NAA16: variants seen among roughly 807,000 people sequenced by gnomAD.
NAA16 encodes NARG1-like protein.
Under a neutral mutation model 110.3 loss-of-function variants are expected in NAA16, and 97 were observed. The observed-to-expected ratio is 0.88, with a 90% confidence interval of 0.75 to 1.04. The LOEUF (loss-of-function observed/expected upper bound fraction) is 1.04. NAA16 is among the 50% of genes least tolerant of loss of function. The pLI is 0.00. For synonymous variants in NAA16, 372 were observed against 330.6 expected (o/e 1.13, Z -1.36); for missense variants, 1,017 against 1,005.1 (o/e 1.01, Z -0.16).
chr13:41,342,078 C>T (rs371842146), intron 9 of NAA16, among the ~76,000 whole-genome samples: 13 of 151,224 alleles, frequency 8.6e-5, no homozygotes, highest in African/African-American at 1.9e-4. Flanking sequence ...GTGATCCGCC[C>T]GCCTCGGCCT....
chr13:41,367,746 T>C (rs1566299810), intron 14 of NAA16, 94 bp downstream of exon 14: 3 of 800,566 alleles, frequency 3.7e-6, no homozygotes, highest in Non-Finnish European at 3.7e-6. Context: ...TAATATATTG[T>C]CTGTTGGAGT....
chr13:41,329,131 G>C (rs1352788829), intron 7 of NAA16, among the ~76,000 whole-genome samples: 2 of 151,974 alleles, frequency 1.3e-5, no homozygotes. Context: ...TACCAATTTA[G>C]AGTAGGGACA....
At chr13:41,330,596 C>T (rs1220719388) in intron 7 of NAA16, among the ~76,000 whole-genome samples, 2 of 151,922 alleles carry the variant, frequency 1.3e-5, no homozygotes, top group African/African-American at 4.8e-5. Context: ...ATAAACTATA[C>T]CCAGATCCTA....
chr13:41,352,144 C>A (rs542541517), intron 9 of NAA16, among the ~76,000 whole-genome samples: 4 of 152,198 alleles, frequency 2.6e-5, no homozygotes, highest in African/African-American at 9.6e-5. Flanking sequence ...GAGTTTGAGA[C>A]CAGCCCGGGC....
intron 10 of NAA16, 126 bp from the exon 11 acceptor site, chr13:41,358,178 A>G: frequency 2.6e-6 from 2 of 781,764 alleles, no homozygotes; most frequent in Non-Finnish European, 4.0e-6. Flanking sequence ...TGAAATTAGT[A>G]GTTTTTGCTG....
At chr13:41,323,390 C>G (rs961273751) in intron 5 of NAA16, among the ~76,000 whole-genome samples, 200 bp downstream of exon 5, 1 of 150,696 alleles carries the variant, frequency 6.6e-6, no homozygotes, top group African/African-American at 2.4e-5. Flanking sequence ...TCGCTCTGTC[C>G]CCCAGGCTGG....
At chr13:41,331,171 T>C (rs938722543) in intron 7 of NAA16, 103 bp from the exon 8 acceptor site, 2 of 661,796 alleles carry the variant, frequency 3.0e-6, no homozygotes, top group African/African-American at 3.7e-5. Flanking sequence ...TTTAATATTG[T>C]TAATGCAGTT....
intron 9 of NAA16, among the ~76,000 whole-genome samples, chr13:41,345,160 A>G (rs1429047804): frequency 6.6e-6 from 1 of 152,186 alleles, no homozygotes; most frequent in African/African-American, 2.4e-5. Context: ...TTTGGTGTAC[A>G]AGTTTTTGTG....
intron 9 of NAA16, among the ~76,000 whole-genome samples, chr13:41,337,819 T>C (rs2042422091): frequency 6.6e-6 from 1 of 152,198 alleles, no homozygotes; most frequent in African/African-American, 2.4e-5. Context: ...GCAGTAATTG[T>C]GAATAATACA....
intron 9 of NAA16, among the ~76,000 whole-genome samples, chr13:41,353,113 T>TCAAAACAAAA (rs57333303): frequency 0.012 from 1,757 of 150,524 alleles, 11 homozygotes; most frequent in East Asian, 0.038. Context: ...AGACTCCATC[T>TCAAAACAAAA]CAAAACAAAA....
intron 9 of NAA16, among the ~76,000 whole-genome samples, chr13:41,341,314 T>C (rs559286723): frequency 2.7e-4 from 41 of 152,336 alleles, no homozygotes; most frequent in African/African-American, 9.9e-4. Context: ...ACTTAATTTT[T>C]TGTGGATATC....
chr13:41,357,886 T>G (rs576464742), intron 10 of NAA16, among the ~76,000 whole-genome samples: 1 of 152,212 alleles, frequency 6.6e-6, no homozygotes, highest in Non-Finnish European at 1.5e-5. Flanking sequence ...TATTGAGGCC[T>G]GGAAAATGGT....
At chr13:41,319,537 G>C (rs1272038023) in intron 3 of NAA16, among the ~76,000 whole-genome samples, 1 of 151,778 alleles carries the variant, frequency 6.6e-6, no homozygotes. Flanking sequence ...TTTTTGGGGG[G>C]AGGGAGTCTC....
At chr13:41,319,397 A>ATAT (rs2041889079) in intron 3 of NAA16, among the ~76,000 whole-genome samples, 1 of 152,246 alleles carries the variant, frequency 6.6e-6, no homozygotes, top group African/African-American at 2.4e-5. Flanking sequence ...TACTTAATAT[A>ATAT]TAAGTATGAT....
At position 41,374,803 on chromosome 13, in the gene NAA16, T is replaced by G. The variant is rs2043396462; in HGVS notation, c.2361T>G (p.Thr787=). Residue 787 remains threonine, a synonymous_variant, in exon 19 of 20, where the codon ACT becomes ACG. Coordinates refer to ENST00000379406, the MANE Select transcript of NAA16 (RefSeq NM_024561.5). ...AGGAGAAAGCAATTGCTATAGCCAC[T>G]AGACTAGATGAAACTATAAAAGATA... is the stretch of plus-strand genomic sequence containing the variant. ...SRQEKAIAIA[T]RLDETIKDKD... is the part of the protein sequence containing the mutation. 3 of 1,612,204 alleles carry G rather than the reference T, an allele frequency of 1.9e-6. No homozygotes were observed. Among genetic ancestry groups the G allele is most frequent in the Middle Eastern group, 1.7e-4 (1 of 6,042 alleles).
At chr13:41,327,285 A>G (rs1397593035) in intron 6 of NAA16, among the ~76,000 whole-genome samples, 2 of 152,082 alleles carry the variant, frequency 1.3e-5, no homozygotes, top group Non-Finnish European at 2.9e-5. Context: ...TTGTTCTGTT[A>G]CTTATTGATG....
intron 13 of NAA16, chr13:41,362,714 C>T (rs1298497710): frequency 7.8e-7 from 1 of 1,289,550 alleles, no homozygotes; most frequent in Non-Finnish European, 1.0e-6. Flanking sequence ...TTTTCCTGTT[C>T]TTTGTCATCT....
chr13:41,371,029 A>G (rs1408815194), intron 15 of NAA16, among the ~76,000 whole-genome samples: 1 of 152,180 alleles, frequency 6.6e-6, no homozygotes, highest in South Asian at 2.1e-4. Context: ...AATCAAGGAA[A>G]TCATAAAAGA....
At chr13:41,374,698 A>G (rs1452786316) in intron 18 of NAA16, 44 bp from the exon 19 acceptor site, 1 of 1,248,586 alleles carries the variant, frequency 8.0e-7, no homozygotes, top group East Asian at 2.3e-5. Flanking sequence ...CATAAAATGT[A>G]AAGTATAGGT....
Sources: allele counts gnomAD v4.1 joint callset (sites outside exome capture counted in the v4.1 genomes callset), GRCh38; gene constraint gnomAD v4.1.1; transcripts MANE v1.5; gene names NCBI Gene and HGNC (gene_info 2026-07-23, HGNC 2026-07-21).